PBRM1: variants seen among roughly 807,000 people sequenced by gnomAD.
The protein encoded by PBRM1 is protein polybromo-1.
In PBRM1, 27 loss-of-function variants were observed where a neutral mutation model predicts 194.5. The observed-to-expected ratio is 0.14, with a 90% confidence interval of 0.10 to 0.19. The LOEUF (loss-of-function observed/expected upper bound fraction) is 0.19. Among genes scored for constraint, PBRM1 ranks in the 10% least tolerant of loss-of-function variants. The pLI, the probability that PBRM1 is intolerant of heterozygous loss-of-function variation, is 1.00. For synonymous variants in PBRM1, 655 were observed against 693.2 expected (o/e 0.94, Z 0.87); for missense variants, 1,466 against 2,077.2 (o/e 0.71, Z 5.72).
At chr3:52,545,966 T>A (rs1237999214), downstream of PBRM1, 3 of 232,698 alleles carry the variant, frequency 1.3e-5, no homozygotes, top group Non-Finnish European at 1.7e-5. Flanking sequence ...ACAGGCTTTT[T>A]AAAAAAAACT....
At chr3:52,559,958 TAAG>T (rs912562044) in intron 25 of PBRM1, among the ~76,000 whole-genome samples, 1 of 128,940 alleles carries the variant, frequency 7.8e-6, no homozygotes, top group Non-Finnish European at 1.7e-5. Context: ...AAAAAAAAAA[TAAG>T]GCCTGTGGAT....
intron 2 of PBRM1, among the ~76,000 whole-genome samples, 167 bp from the exon 4 acceptor site, chr3:52,668,812 C>CA (rs1462390684): frequency 3.4e-5 from 5 of 145,080 alleles, no homozygotes; most frequent in African/African-American, 1.3e-4. Context: ...AAAAAATCTG[C>CA]AAAAAAAGAA....
exon 22 of PBRM1, chr3:52,576,547 T>C: frequency 6.3e-7 from 1 of 1,595,260 alleles, no homozygotes; most frequent in Non-Finnish European, 8.5e-7. Flanking sequence ...CTACCGAGAA[T>C]ACATGTCATG....
At chr3:52,569,371 C>T (rs1054959299) in intron 22 of PBRM1, among the ~76,000 whole-genome samples, 7 of 152,036 alleles carry the variant, frequency 4.6e-5, no homozygotes, top group South Asian at 4.2e-4. Flanking sequence ...CCGCCATGCT[C>T]GGCTAACTTT....
At chr3:52,575,670 T>A (rs932500965) in intron 22 of PBRM1, among the ~76,000 whole-genome samples, 2 of 131,476 alleles carry the variant, frequency 1.5e-5, no homozygotes, top group East Asian at 2.2e-4. Flanking sequence ...CATGCCCAAA[T>A]AATTTTTTTT....
intron 1 of PBRM1, among the ~76,000 whole-genome samples, chr3:52,685,087 T>C (rs955655598): frequency 6.6e-5 from 10 of 152,210 alleles, no homozygotes; most frequent in African/African-American, 2.2e-4. Context: ...CAACATACGC[T>C]TCTATAATTA....
At chr3:52,576,723 A>G (rs1361157456) in intron 21 of PBRM1, 25 bp from the exon 24 acceptor site, 2 of 1,539,862 alleles carry the variant, frequency 1.3e-6, no homozygotes, top group South Asian at 1.2e-5. Context: ...TATATAAATT[A>G]CATTAAAATA....
At chr3:52,554,991 C>T in intron 26 of PBRM1, 112 bp from the exon 29 acceptor site, 1 of 730,692 alleles carries the variant, frequency 1.4e-6, no homozygotes, top group Non-Finnish European at 2.3e-6. Context: ...CTTAGTACTG[C>T]ATGATATAAC....
intron 20 of PBRM1, among the ~76,000 whole-genome samples, chr3:52,583,183 G>A (rs2091716533): frequency 1.3e-5 from 2 of 151,476 alleles, no homozygotes; most frequent in South Asian, 4.2e-4. Context: ...GCCGAGGCAG[G>A]CGGATCATCA....
downstream of PBRM1, chr3:52,547,662 T>G (rs35127839): frequency 1.0e-2 from 2,335 of 234,208 alleles, 21 homozygotes; most frequent in Non-Finnish European, 0.014. Flanking sequence ...GTGTGTGTGT[T>G]TTTTTTCATT....
rs762719098 is a variant in PBRM1 at position 52,668,459 on chromosome 3, C to T, written c.384+39G>A. The T allele has an allele frequency of 2.1e-6, 3 of 1,436,480 alleles. No individual in the cohort carries two copies. The South Asian group carries it at 4.0e-5, about 19-fold the overall frequency. 89.0% of individuals were successfully genotyped at this position (1,436,480 alleles called of 1,614,324 possible). ...AAGAAGCCAATTATCAAATTGGTAT[C>T]TTCCAATTGGTATCTTTCCAAATTT... On this transcript the variant is annotated intron_variant, in intron 3 of 29. Coordinates refer to ENST00000296302, the Ensembl canonical transcript of PBRM1.
chr3:52,653,817 G>A (rs2096557615), intron 5 of PBRM1, among the ~76,000 whole-genome samples: 1 of 151,972 alleles, frequency 6.6e-6, no homozygotes, highest in South Asian at 2.1e-4. Flanking sequence ...GGCTGAGGCA[G>A]GAGAATCGCT....
intron 22 of PBRM1, among the ~76,000 whole-genome samples, chr3:52,570,998 C>T (rs542037911): frequency 1.3e-5 from 2 of 151,786 alleles, no homozygotes; most frequent in South Asian, 4.1e-4. Context: ...GTTGGGACTA[C>T]AGGCATGAGC....
At chr3:52,656,031 A>G (rs2153832887) in intron 5 of PBRM1, among the ~76,000 whole-genome samples, 1 of 152,360 alleles carries the variant, frequency 6.6e-6, no homozygotes, top group Admixed American at 6.5e-5. Context: ...AATGATCACA[A>G]TAGGGCTAAG....
At chr3:52,656,909 A>C (rs2096617897) in intron 5 of PBRM1, among the ~76,000 whole-genome samples, 1 of 142,134 alleles carries the variant, frequency 7.0e-6, no homozygotes, top group Non-Finnish European at 1.6e-5. Context: ...AAACAAAACA[A>C]AACACCCCAA....
Position 52,617,254 on chromosome 3 carries a change from C to T in PBRM1, c.1818+8G>A. 1.2e-6 allele frequency: 2 copies of T among 1,611,396 alleles called. No homozygotes were observed. Among genetic ancestry groups the T allele is most frequent in the East Asian group, 2.2e-5 (1 of 44,852 alleles). ...TGTGCCTACTTCAGGACCGCTGGCCCTCCTTACCTGGGAGCCCTCCTCATT... is the reference window on the plus strand; with the variant it reads ...TGTGCCTACTTCAGGACCGCTGGCCTTCCTTACCTGGGAGCCCTCCTCATT... On this transcript the variant is annotated splice_region_variant and intron_variant, in intron 14 of 29. Transcript: ENST00000296302.
At chr3:52,611,267 T>TA (rs36015193) in intron 15 of PBRM1, among the ~76,000 whole-genome samples, 1 of 152,190 alleles carries the variant, frequency 6.6e-6, no homozygotes, top group Non-Finnish European at 1.5e-5. Context: ...GGAATAAAAT[T>TA]AAAAACTATC....
At chr3:52,641,446 C>CAAAAAAAAAAAAAAAACAAAAAA (rs2096075144) in intron 10 of PBRM1, among the ~76,000 whole-genome samples, 1 of 69,958 alleles carries the variant, frequency 1.4e-5, no homozygotes, top group Non-Finnish European at 2.6e-5. Flanking sequence ...GACTCCATCT[C>CAAAAAAAAAAAAAAAACAAAAAA]AAAAAAAAAA....
At chr3:52,618,438 T>C (rs1223436295) in intron 13 of PBRM1, among the ~76,000 whole-genome samples, 1 of 152,134 alleles carries the variant, frequency 6.6e-6, no homozygotes, top group East Asian at 1.9e-4. Context: ...TTAGAAGCAA[T>C]GATCTTCCGA....
Sources: gnomAD v4.1 joint callset for allele counts (sites outside exome capture counted in the v4.1 genomes callset) on GRCh38, gnomAD v4.1.1 for gene constraint, MANE v1.5 for transcripts, NCBI Gene and HGNC (gene_info 2026-07-23, HGNC 2026-07-21) for gene names.